The following PARN variants were observed in gnomAD, a reference collection of about 807,000 sequenced individuals.
PARN encodes poly(A)-specific ribonuclease.
Under a neutral mutation model 102.8 loss-of-function variants are expected in PARN, and 71 were observed. The observed-to-expected ratio is 0.69, with a 90% CI of 0.57 to 0.84. The LOEUF is 0.84. Ranked by LOEUF, PARN falls within the 40% of genes least tolerant of loss-of-function variation. The pLI is 0.00. For missense variants in PARN, 782 were observed against 760.9 expected, an observed-to-expected ratio of 1.03 and a Z score of -0.33; for synonymous variants, 261 against 252.9, an observed-to-expected ratio of 1.03 and a Z score of -0.30.
chr16:14,627,093 T>C lies in PARN; in HGVS notation c.327+13A>G. ...GCAATTCAGAAAAGAAAAATCTCAA[T>C]TATGCTACTTACCTGACAAACAAAT... On this transcript the variant is annotated intron_variant, in intron 5 of 23. Coordinates refer to ENST00000437198, the MANE Select transcript of PARN (RefSeq NM_002582.4). 6.7e-7 allele frequency: 1 copy of C among 1,488,972 alleles called. No homozygotes were observed. The highest frequency in any genetic ancestry group is 9.3e-7 in the Non-Finnish European group (1 of 1,071,342). The allele number at this position is 1,488,972 out of a possible 1,614,324, so 92.2% of individuals were successfully genotyped here.
chr16:14,449,216 C>T (rs750874304), intron 22 of PARN, among the ~76,000 whole-genome samples: 3 of 152,076 alleles, frequency 2.0e-5, no homozygotes, highest in Non-Finnish European at 2.9e-5. Flanking sequence ...CTAGAAATAG[C>T]CCCAACTGTA....
intron 13 of PARN, among the ~76,000 whole-genome samples, chr16:14,590,446 C>T (rs1391043425): frequency 6.6e-6 from 1 of 151,558 alleles, no homozygotes; most frequent in African/African-American, 2.4e-5. Context: ...ACCAGCCAGG[C>T]CAACATGGTG....
intron 21 of PARN, among the ~76,000 whole-genome samples, chr16:14,503,635 T>C (rs1284516924): frequency 1.3e-5 from 2 of 152,330 alleles, no homozygotes; most frequent in Non-Finnish European, 2.9e-5. Flanking sequence ...TGGTCACCCG[T>C]GCATCTACCA....
At chr16:14,567,501 A>C (rs898392617) in intron 18 of PARN, among the ~76,000 whole-genome samples, 2 of 152,208 alleles carry the variant, frequency 1.3e-5, no homozygotes, top group African/African-American at 4.8e-5. Context: ...GTTCATACCC[A>C]TTTTTGGTAA....
At chr16:14,614,034 C>T (rs1245551600) in intron 6 of PARN, among the ~76,000 whole-genome samples, 2 of 151,960 alleles carry the variant, frequency 1.3e-5, no homozygotes, top group Admixed American at 6.6e-5. Context: ...TAGGGGGTGG[C>T]GGCAGGAATA....
chr16:14,582,155 TTGAC>T (rs765598870), intron 17 of PARN, 22 bp downstream of exon 17: 1 of 1,400,418 alleles, frequency 7.1e-7, no homozygotes. Context: ...CACTGCGTGT[TTGAC>T]TGAAAGACAT....
At chr16:14,452,838 T>C (rs1327158810) in intron 22 of PARN, among the ~76,000 whole-genome samples, 1 of 152,264 alleles carries the variant, frequency 6.6e-6, no homozygotes, top group Admixed American at 6.5e-5. Flanking sequence ...GCTGTGATTA[T>C]ATCCCATATA....
chr16:14,457,717 G>A (rs904349034), intron 22 of PARN, among the ~76,000 whole-genome samples: 3 of 141,832 alleles, frequency 2.1e-5, no homozygotes, highest in Admixed American at 7.8e-5. Context: ...AGAACTGCTC[G>A]AACCTGGGAG....
intron 21 of PARN, among the ~76,000 whole-genome samples, chr16:14,491,128 A>C (rs1964036802): frequency 6.6e-6 from 1 of 151,806 alleles, no homozygotes; most frequent in Admixed American, 6.6e-5. Flanking sequence ...AGAAGTAAAA[A>C]TGGGGAGGCA....
intron 21 of PARN, among the ~76,000 whole-genome samples, chr16:14,522,031 T>A (rs1965761861): frequency 6.6e-6 from 1 of 152,228 alleles, no homozygotes; most frequent in African/African-American, 2.4e-5. Flanking sequence ...TGCAGTAGGC[T>A]GTACCATATA....
At chr16:14,524,397 G>A (rs1239653003) in intron 21 of PARN, among the ~76,000 whole-genome samples, 2 of 152,110 alleles carry the variant, frequency 1.3e-5, no homozygotes, top group Non-Finnish European at 2.9e-5. Context: ...TTATGAAAAA[G>A]ATCTTTACTC....
rs1195530342 is a variant in PARN at position 14,447,085 on chromosome 16, A to C, written c.1671-4T>G. On this transcript the variant is annotated splice_polypyrimidine_tract_variant and splice_region_variant and intron_variant, in intron 22 of 23. Coordinates refer to ENST00000437198, the MANE Select transcript of PARN (RefSeq NM_002582.4). ...TACTGTGCTGGGAGCTGTAAAACTGAAATGCAAAAAGTGGAACAACATAAA... is the reference window on the plus strand; with the variant it reads ...TACTGTGCTGGGAGCTGTAAAACTGCAATGCAAAAAGTGGAACAACATAAA... The C allele has an allele frequency of 6.2e-7, 1 of 1,607,596 alleles. No individual in the cohort carries two copies. The highest frequency in any genetic ancestry group is 8.5e-7 in the Non-Finnish European group (1 of 1,176,570).
chr16:14,574,152 T>C (rs1399412600), intron 18 of PARN, among the ~76,000 whole-genome samples: 2 of 152,194 alleles, frequency 1.3e-5, no homozygotes, highest in African/African-American at 2.4e-5. Flanking sequence ...AAGGCTGAGA[T>C]GGTCTCAGAT....
At chr16:14,484,556 T>C (rs892276192) in intron 21 of PARN, among the ~76,000 whole-genome samples, 2 of 152,190 alleles carry the variant, frequency 1.3e-5, no homozygotes, top group African/African-American at 4.8e-5. Flanking sequence ...ATAAAAATGA[T>C]GTGACTGAAT....
Position 14,572,373 on chromosome 16 carries a change from T to C in PARN, c.1262+8501A>G, listed in dbSNP as rs190048231. Among the ~76,000 whole-genome samples the C allele has an allele frequency of 5.6e-3, 859 of 152,220 alleles. 9 individuals carry two copies. Among genetic ancestry groups the C allele is most frequent in the Middle Eastern group, 6.8e-3 (2 of 294 alleles). ...TTTTTTTTGGTCACCCAAAATAAGT[T>C]GACACTGGGAAGAAATCTTTAATTC... On this transcript the variant is annotated intron_variant, in intron 18 of 23. Coordinates refer to ENST00000437198, the MANE Select transcript of PARN (RefSeq NM_002582.4).
intron 22 of PARN, among the ~76,000 whole-genome samples, chr16:14,452,442 G>C (rs1004071659): frequency 6.6e-6 from 1 of 152,152 alleles, no homozygotes; most frequent in Non-Finnish European, 1.5e-5. Context: ...ATGTGATCTT[G>C]GTACACTGTA....
intron 6 of PARN, among the ~76,000 whole-genome samples, chr16:14,616,865 T>C (rs910709389): frequency 6.6e-6 from 1 of 152,114 alleles, no homozygotes; most frequent in African/African-American, 2.4e-5. Context: ...ATCAGTGGAA[T>C]ACAGGACATT....
chr16:14,529,959 A>C (rs1434238964), intron 21 of PARN, among the ~76,000 whole-genome samples: 1 of 150,688 alleles, frequency 6.6e-6, no homozygotes, highest in African/African-American at 2.4e-5. Context: ...TCTGAACTCT[A>C]AACGATTCCT....
intron 21 of PARN, among the ~76,000 whole-genome samples, chr16:14,520,856 G>T (rs1009882780): frequency 1.3e-5 from 2 of 152,176 alleles, no homozygotes; most frequent in Admixed American, 1.3e-4. Context: ...GGGGTTGGGG[G>T]TGAGTACAGA....
Sources: allele counts gnomAD v4.1 joint callset (sites outside exome capture counted in the v4.1 genomes callset), GRCh38; gene constraint gnomAD v4.1.1; transcripts MANE v1.5; gene names NCBI Gene and HGNC (gene_info 2026-07-23, HGNC 2026-07-21).